The following MYOM1 variants were observed in gnomAD, a reference collection of about 807,000 sequenced individuals.
The protein encoded by MYOM1 is myomesin 1, also known as myomesin-1.
Under a neutral mutation model 205.3 loss-of-function variants are expected in MYOM1, and 164 were observed. That is an observed-to-expected ratio of 0.80 (90% CI 0.70 to 0.91). The LOEUF (loss-of-function observed/expected upper bound fraction) is 0.91, where lower values mean the gene tolerates loss of function less well. Ranked by LOEUF, MYOM1 falls within the 40% of genes least tolerant of loss-of-function variation. The pLI, the probability that MYOM1 is intolerant of heterozygous loss-of-function variation, is 0.00. For synonymous variants in MYOM1, 772 were observed against 789.4 expected, an observed-to-expected ratio of 0.98 and a Z score of 0.37; for missense variants, 2,011 against 2,127.3, an observed-to-expected ratio of 0.95 and a Z score of 1.08.
chr18:3,160,760 G>C (rs951068940), intron 10 of MYOM1, among the ~76,000 whole-genome samples: 2 of 152,080 alleles, frequency 1.3e-5, no homozygotes, highest in African/African-American at 4.8e-5. Context: ...ATCAACCTCT[G>C]ATAAACTGAG....
chr18:3,168,740 C>A, intron 9 of MYOM1, 77 bp downstream of exon 9: 2 of 1,481,548 alleles, frequency 1.3e-6, no homozygotes, highest in South Asian at 1.2e-5. Context: ...ATTCCACCAG[C>A]TCCGATAAAC....
chr18:3,120,115 G>A, intron 19 of MYOM1, 120 bp from the exon 20 acceptor site: 1 of 1,315,120 alleles, frequency 7.6e-7, no homozygotes, highest in Non-Finnish European at 1.0e-6. Context: ...GACCCTCAAT[G>A]AGTCACACCC....
chr18:3,141,863 C>T, intron 14 of MYOM1, 76 bp downstream of exon 14: 1 of 1,582,998 alleles, frequency 6.3e-7, no homozygotes, highest in Non-Finnish European at 8.6e-7. Flanking sequence ...TCCATTGTCC[C>T]TGGGAATTTA....
At chr18:3,071,689 G>C (rs2078960197) in intron 37 of MYOM1, 145 bp downstream of exon 37, 1 of 778,270 alleles carries the variant, frequency 1.3e-6, no homozygotes, top group Non-Finnish European at 2.1e-6. Flanking sequence ...CTTGTGTTTG[G>C]TTACTCTGGT....
At chr18:3,118,869 C>T (rs1445947530) in intron 20 of MYOM1, among the ~76,000 whole-genome samples, 1 of 152,068 alleles carries the variant, frequency 6.6e-6, no homozygotes, top group Non-Finnish European at 1.5e-5. Context: ...CTGAACTGCT[C>T]TTGAGTTTCT....
intron 7 of MYOM1, 34 bp downstream of exon 7, chr18:3,174,086 C>CAA (rs67577394): frequency 6.2e-7 from 1 of 1,610,072 alleles, no homozygotes. Context: ...AAAACACACA[C>CAA]ACACTTTGAA....
intron 19 of MYOM1, among the ~76,000 whole-genome samples, chr18:3,125,533 C>T (rs997941642): frequency 6.8e-6 from 1 of 147,366 alleles, no homozygotes; most frequent in Non-Finnish European, 1.5e-5. Flanking sequence ...GTGGGCAGAT[C>T]ACTTGAGGCC....
In MYOM1 at chr18:3,179,853, T is replaced by C. The variant is rs892430556; in HGVS notation, c.930-3719A>G. On this transcript the variant is annotated intron_variant, in intron 5 of 37. Coordinates refer to ENST00000356443, the MANE Select transcript of MYOM1 (RefSeq NM_003803.4). The surrounding 1 kb of genome is among the most constrained non-coding windows in gnomAD (Gnocchi z 4.4). ...ACTCTGGCTCTGCTCTTTCTTGTGCTGGAGGGTTTTCAGTGGTTCCTCTTT... is the reference window on the plus strand; with the variant it reads ...ACTCTGGCTCTGCTCTTTCTTGTGCCGGAGGGTTTTCAGTGGTTCCTCTTT... 6.6e-6 allele frequency among the ~76,000 whole-genome samples: 1 copy of C among 152,240 alleles called. No homozygotes were observed. Among genetic ancestry groups the C allele is most frequent in the African/African-American group, 2.4e-5 (1 of 41,464 alleles).
At chr18:3,144,942 A>C (rs2080103797) in intron 13 of MYOM1, among the ~76,000 whole-genome samples, 1 of 152,204 alleles carries the variant, frequency 6.6e-6, no homozygotes, top group African/African-American at 2.4e-5. Context: ...ATAATTATGG[A>C]TCTAAAAGAC....
intron 29 of MYOM1, among the ~76,000 whole-genome samples, chr18:3,088,043 C>T (rs1197003906): frequency 6.6e-6 from 1 of 152,152 alleles, no homozygotes; most frequent in Non-Finnish European, 1.5e-5. Flanking sequence ...GCTGAAAGAA[C>T]GTCATTCCAG....
intron 18 of MYOM1, among the ~76,000 whole-genome samples, chr18:3,127,953 G>A (rs921346690): frequency 6.6e-6 from 1 of 152,182 alleles, no homozygotes; most frequent in African/African-American, 2.4e-5. Context: ...TGGCTTTGCT[G>A]ATCAGCTTTT....
the MYOM1 span, among the ~76,000 whole-genome samples, chr18:3,234,043 G>C: frequency 1.1e-4 from 17 of 152,132 alleles, no homozygotes; most frequent in Admixed American, 5.9e-4. Flanking sequence ...ACCCTGGGCA[G>C]GTCACTAACC....
rs369026745 is a variant in MYOM1, at chr18:3,067,492, C to T, written c.4828G>A (p.Glu1610Lys). Residue 1610 changes from glutamate (E) to lysine (K), a missense_variant, in exon 38 of 38, where the codon GAG becomes AAG. Physicochemically the swap from Glu to Lys is moderately conservative, Grantham distance 56. Coordinates refer to ENST00000356443, the MANE Select transcript of MYOM1 (RefSeq NM_003803.4). ...PPPEVSWLKNEKALASDDHCN... is the reference protein window; with the variant it reads ...PPPEVSWLKNKKALASDDHCN... ...TGGTCGTCTGAGGCCAGGGCCTTCTCGTTCTTCAACCACGACACCTCCGGA... is the reference window on the plus strand; with the variant it reads ...TGGTCGTCTGAGGCCAGGGCCTTCTTGTTCTTCAACCACGACACCTCCGGA... 48 of 1,613,720 alleles carry T rather than the reference C, an allele frequency of 3.0e-5. No individual in the cohort carries two copies. Among genetic ancestry groups the T allele is most frequent in the East Asian group, 8.9e-5 (4 of 44,888 alleles).
chr18:3,185,942 T>G (rs1454339551), intron 5 of MYOM1, among the ~76,000 whole-genome samples: 1 of 152,178 alleles, frequency 6.6e-6, no homozygotes, highest in Non-Finnish European at 1.5e-5. Context: ...ACTCCGGTAG[T>G]CCCAGCACTT....
In MYOM1 at chr18:3,131,398, G is replaced by T; in HGVS notation, c.2483C>A (p.Ala828Asp). Residue 828 changes from alanine to aspartate, a missense_variant, in exon 17 of 38, where the codon GCT becomes GAT. By Grantham distance (126) the Ala-to-Asp change is moderately radical. Transcript: ENST00000356443. ...ACCAATAGCAGCTTTGACTTCAATA[G>T]CTTCTGAATCCTGGGAATATTCACT... ...GLSEYSQDSEAIEVKAAIGGG... is the reference protein window; with the variant it reads ...GLSEYSQDSEDIEVKAAIGGG... 6.2e-7 allele frequency: 1 copy of T among 1,613,846 alleles called. No individual in the cohort carries two copies. The highest frequency in any genetic ancestry group is 8.5e-7 in the Non-Finnish European group (1 of 1,179,814).
chr18:3,192,200 G>T (rs184802031), intron 3 of MYOM1, among the ~76,000 whole-genome samples: 7 of 152,158 alleles, frequency 4.6e-5, no homozygotes, highest in Non-Finnish European at 1.0e-4. Flanking sequence ...AACAGAGTGG[G>T]AAAAATACTG....
intron 34 of MYOM1, 136 bp downstream of exon 34, chr18:3,079,043 C>T: frequency 1.7e-6 from 1 of 590,840 alleles, no homozygotes. Flanking sequence ...GAACTCCTGA[C>T]TTCAAGTCAT....
chr18:3,237,432 C>A, the MYOM1 span, among the ~76,000 whole-genome samples: 1 of 151,786 alleles, frequency 6.6e-6, no homozygotes, highest in Non-Finnish European at 1.5e-5. Flanking sequence ...AACCCAGTCT[C>A]TACTAAAAAT....
chr18:3,124,139 T>A (rs1384044168), intron 19 of MYOM1, among the ~76,000 whole-genome samples: 1 of 150,370 alleles, frequency 6.7e-6, no homozygotes. Context: ...GCCCGGCCTA[T>A]AAAGCTATAA....
Sources: gnomAD v4.1 joint callset for allele counts (sites outside exome capture counted in the v4.1 genomes callset) on GRCh38, gnomAD v4.1.1 for gene constraint, Gnocchi (gnomAD v3.1) non-coding constraint, MANE v1.5 for transcripts, NCBI Gene and HGNC (gene_info 2026-07-23, HGNC 2026-07-21) for gene names.